Variants in NUP58 observed in about 807,000 individuals in gnomAD.
NUP58 encodes the protein nucleoporin p58/p45.
In NUP58, 17 loss-of-function variants were observed where a neutral mutation model predicts 70.1. The ratio of observed to expected loss-of-function variants is 0.24; its 90% CI spans 0.17 to 0.36. The LOEUF is 0.36. Among genes scored for constraint, NUP58 ranks in the 10% least tolerant of loss-of-function variants. NUP58 has a pLI of 1.00. For synonymous variants in NUP58, 275 were observed against 257.6 expected (o/e 1.07, Z -0.65); for missense variants, 644 against 701.5 (o/e 0.92, Z 0.93).
Position 25,327,023 on chromosome 13 carries a change from T to A in NUP58, c.1139T>A (p.Ile380Lys), listed in dbSNP as rs529442067. The A allele has an allele frequency of 1.1e-5, 17 of 1,583,374 alleles. No homozygotes were observed. The highest frequency in any genetic ancestry group is 1.5e-5 in the Non-Finnish European group (17 of 1,155,818). ...HLATQANNSH[I>K]TPQDLSMAMQ... ...GCCACTCAAGCAAATAATTCACATA[T>A]AACCCCTCAAGGTAACATGCTTACT... The change falls in exon 11 of 16, where the codon ATA (isoleucine) becomes AAA (lysine). Residue 380 changes from isoleucine (I) to lysine (K), a missense_variant. Transcript: ENST00000381736.
At chr13:25,329,593 A>G (rs1251049688) in intron 12 of NUP58, among the ~76,000 whole-genome samples, 4 of 152,168 alleles carry the variant, frequency 2.6e-5, no homozygotes, top group Admixed American at 1.3e-4. Context: ...GTATGTTGCC[A>G]TTATTTTTAG....
chr13:25,303,681 A>G (rs1018769292), intron 1 of NUP58, among the ~76,000 whole-genome samples: 2 of 151,982 alleles, frequency 1.3e-5, no homozygotes, highest in Non-Finnish European at 2.9e-5. Context: ...CACAATTGTA[A>G]TCAGTTTGTT....
Position 25,313,692 on chromosome 13 carries a change from G to T in NUP58, c.515G>T (p.Gly172Val), listed in dbSNP as rs1341091466. The T allele has an allele frequency of 6.5e-7, 1 of 1,531,266 alleles. No homozygotes were observed. The highest frequency in any genetic ancestry group is 2.5e-5 in the Admixed American group (1 of 39,434). 94.9% of individuals were successfully genotyped at this position (1,531,266 alleles called of 1,614,324 possible). Residue 172 changes from glycine (G) to valine (V), a missense_variant, in exon 5 of 16, where the codon GGG becomes GTG. Coordinates refer to ENST00000381736, the MANE Select transcript of NUP58 (RefSeq NM_014089.4). ...ACTGCATCAACAGGCCTCTCTTTAG[G>T]GGGAGCCTTAGCTGGTTTGGGAGGT... ...TTTASTGLSLGGALAGLGGSL... is the reference protein window; with the variant it reads ...TTTASTGLSLVGALAGLGGSL...
chr13:25,304,478 T>TTATATATATA (rs67019897), intron 1 of NUP58, among the ~76,000 whole-genome samples: 123 of 83,398 alleles, frequency 1.5e-3, no homozygotes, highest in East Asian at 3.4e-3. Flanking sequence ...GTTGTCAAGA[T>TTATATATATA]TATATATATA....
intron 12 of NUP58, among the ~76,000 whole-genome samples, chr13:25,329,012 C>A (rs2031508348): frequency 6.6e-6 from 1 of 151,850 alleles, no homozygotes; most frequent in African/African-American, 2.4e-5. Flanking sequence ...GCACTTTAGA[C>A]CTTTTGCTTT....
downstream of NUP58, among the ~76,000 whole-genome samples, chr13:25,346,364 A>T (rs2032050532): frequency 6.6e-6 from 1 of 152,156 alleles, no homozygotes; most frequent in Non-Finnish European, 1.5e-5. Flanking sequence ...GTCTATGTAG[A>T]GTCTATGTAG....
At chr13:25,309,216 G>A in intron 2 of NUP58, 31 bp from the exon 3 acceptor site, 1 of 1,532,440 alleles carries the variant, frequency 6.5e-7, no homozygotes, top group Non-Finnish European at 9.0e-7. Flanking sequence ...CTTCATTGAT[G>A]ATTAAATTTT....
chr13:25,325,479 A>G (rs1184475788), intron 10 of NUP58, among the ~76,000 whole-genome samples: 1 of 152,216 alleles, frequency 6.6e-6, no homozygotes, highest in Non-Finnish European at 1.5e-5. Flanking sequence ...GCTTGTATAT[A>G]TACATTTGGC....
In NUP58 at chr13:25,334,940, T is replaced by G. The variant is rs980682580; in HGVS notation, c.1436-1996T>G. 14 of 984,934 alleles carry G rather than the reference T, an allele frequency of 1.4e-5. No individual in the cohort carries two copies. The African/African-American group carries it at 2.3e-4, about 16-fold the overall frequency. 61.0% of individuals were successfully genotyped at this position (984,934 alleles called of 1,614,324 possible). ...TAAGAACCTCTCATTGGATGACTAT[T>G]CAAATTTCAAAGCAGACTTCTTGAA... On this transcript the variant is annotated intron_variant, in intron 13 of 15. Transcript: ENST00000381736.
In NUP58 at chr13:25,310,519, C is replaced by CTTTT. The variant is rs34548230; in HGVS notation, c.286+1257_286+1260dup. On this transcript the variant is annotated intron_variant, in intron 3 of 15. Coordinates refer to ENST00000381736, the MANE Select transcript of NUP58 (RefSeq NM_014089.4). ...ACAGGCGTGAGCCACTGTGCCTGGC[C>CTTTT]TTTTTTTTTTTTTTTTTTTTTTTGG... 3.5e-3 allele frequency among the ~76,000 whole-genome samples: 186 copies of CTTTT among 53,578 alleles called. 10 individuals are homozygous for CTTTT. Among genetic ancestry groups the CTTTT allele is most frequent in the African/African-American group, 0.011 (164 of 14,310 alleles). 35.1% of individuals were successfully genotyped at this position (53,578 alleles called of 152,430 possible). A position where few individuals can be genotyped will look rare whatever the true frequency, so the allele number is the denominator to read the frequency against.
chr13:25,335,300 A>G, intron 13 of NUP58: 1 of 985,336 alleles, frequency 1.0e-6, no homozygotes, highest in Non-Finnish European at 1.2e-6. Flanking sequence ...ACCCACACAC[A>G]ACAAAAAGCA....
intron 4 of NUP58, 142 bp from the exon 5 acceptor site, chr13:25,313,472 A>G: frequency 1.4e-6 from 1 of 707,766 alleles, no homozygotes; most frequent in Non-Finnish European, 2.2e-6. Flanking sequence ...TTTATTCTTA[A>G]GTATGTAATT....
chr13:25,337,047 T>A lies in NUP58; in HGVS notation c.1534+13T>A. On this transcript the variant is annotated intron_variant, in intron 14 of 15. Coordinates refer to ENST00000381736, the MANE Select transcript of NUP58 (RefSeq NM_014089.4). ...TCAAACCTTGGAGGTACACTTTAACTTTTCTAATATTTCATTGAACTATTA... is the reference window on the plus strand; with the variant it reads ...TCAAACCTTGGAGGTACACTTTAACATTTCTAATATTTCATTGAACTATTA... The A allele has an allele frequency of 6.5e-7, 1 of 1,542,292 alleles. No homozygotes were observed. Among genetic ancestry groups the A allele is most frequent in the Non-Finnish European group, 8.8e-7 (1 of 1,134,414 alleles).
At chr13:25,320,719 T>TA in intron 8 of NUP58, 124 bp downstream of exon 8, 2 of 773,900 alleles carry the variant, frequency 2.6e-6, no homozygotes, top group Non-Finnish European at 4.1e-6. Context: ...GTTAAAATGT[T>TA]AGTGCTTTTA....
At chr13:25,318,512 T>A (rs2031041267) in intron 6 of NUP58, among the ~76,000 whole-genome samples, 1 of 152,130 alleles carries the variant, frequency 6.6e-6, no homozygotes, top group South Asian at 2.1e-4. Context: ...CATATTAAAT[T>A]ATGTAAATGA....
chr13:25,334,178 G>T, intron 13 of NUP58: 1 of 985,352 alleles, frequency 1.0e-6, no homozygotes. Context: ...CGTGGATAAC[G>T]TAGTTCCATG....
rs903176595 is a variant in NUP58 at position 25,338,849 on chromosome 13, T to G, written c.1630+118T>G. 5.4e-6 allele frequency: 4 copies of G among 739,630 alleles called. No homozygotes were observed. The African/African-American group carries it at 7.1e-5, about 13-fold the overall frequency. The allele number at this position is 739,630 out of a possible 1,614,324, so 45.8% of individuals were successfully genotyped here. On this transcript the variant is annotated intron_variant, in intron 15 of 15. Transcript: ENST00000381736. Reference sequence around the variant, plus strand: ...GTTCCCTCCCTGATTCAGTTTTTACTCCCTGGATGAAGTGTGCAAGCCTAA... The same window carrying G: ...GTTCCCTCCCTGATTCAGTTTTTACGCCCTGGATGAAGTGTGCAAGCCTAA...
intron 1 of NUP58, among the ~76,000 whole-genome samples, chr13:25,307,294 G>A (rs546378942): frequency 7.4e-6 from 1 of 134,972 alleles, no homozygotes; most frequent in African/African-American, 2.7e-5. Context: ...AGCTGACTGC[G>A]ACCTGCCTCC....
Position 25,319,814 on chromosome 13 carries a change from CAT to C in NUP58, c.710+465_710+466del, listed in dbSNP as rs566992366. On this transcript the variant is annotated intron_variant, in intron 7 of 15. Coordinates refer to ENST00000381736, the MANE Select transcript of NUP58 (RefSeq NM_014089.4). ...TCTTATTACCAATTATATTTTCTCACATGATTTGTACTATATTAAATAAAGCA... is the reference window on the plus strand; with the variant it reads ...TCTTATTACCAATTATATTTTCTCACGATTTGTACTATATTAAATAAAGCA... Among the ~76,000 whole-genome samples the C allele has an allele frequency of 2.2e-4, 34 of 152,164 alleles. No individual in the cohort carries two copies. The East Asian group carries it at 5.8e-3, about 26-fold the overall frequency.
Sources: gnomAD v4.1 joint callset for allele counts (sites outside exome capture counted in the v4.1 genomes callset) on GRCh38, gnomAD v4.1.1 for gene constraint, MANE v1.5 for transcripts, NCBI Gene and HGNC (gene_info 2026-07-23, HGNC 2026-07-21) for gene names.